NCOR2: variants seen among roughly 807,000 people sequenced by gnomAD.
The protein encoded by NCOR2 is nuclear receptor corepressor 2, also known as CTG repeat protein 26.
Under a neutral mutation model 262.9 loss-of-function variants are expected in NCOR2, and 81 were observed. The ratio of observed to expected loss-of-function variants is 0.31; its 90% CI spans 0.26 to 0.37. NCOR2 has a LOEUF of 0.37. Ranked by LOEUF, NCOR2 falls within the 10% of genes least tolerant of loss-of-function variation. The probability of loss-of-function intolerance (pLI) is 1.00; values close to 1 mark genes in which losing one functional copy is unlikely to be tolerated. For synonymous variants in NCOR2, 1,659 were observed against 1,559.3 expected (o/e 1.06, Z -1.51); for missense variants, 3,385 against 3,621.4 (o/e 0.93, Z 1.68).
chr12:124,325,377 G>GGGGCCCC, exon 47 of NCOR2: 1 of 246,788 alleles, frequency 4.1e-6, no homozygotes, highest in Non-Finnish European at 6.6e-6. Context: ...ACCTGACACC[G>GGGGCCCC]CCCCCCCCCC....
chr12:124,458,242 C>T (rs2045982871), intron 5 of NCOR2, among the ~76,000 whole-genome samples: 1 of 152,232 alleles, frequency 6.6e-6, no homozygotes, highest in Non-Finnish European at 1.5e-5. Context: ...AATGTGGCTG[C>T]CAACAAAAAT....
At position 124,459,420 on chromosome 12, in the gene NCOR2, C is replaced by T. The variant is rs962253271; in HGVS notation, c.706-2258G>A. 9.9e-5 allele frequency among the ~76,000 whole-genome samples: 15 copies of T among 152,264 alleles called. No individual in the cohort carries two copies. In the East Asian group the frequency reaches 2.9e-3, roughly 29 times the overall value. On this transcript the variant is annotated intron_variant, in intron 5 of 46. Coordinates refer to ENST00000405201, the Ensembl canonical transcript of NCOR2. ...GTTGGGTTTGTTCCTGCTCCACGGT[C>T]TTCTCTGGTCCTGCTTGTCAGCCTC...
intron 17 of NCOR2, among the ~76,000 whole-genome samples, chr12:124,382,784 T>C (rs1161466211): frequency 6.6e-6 from 1 of 152,314 alleles, no homozygotes; most frequent in African/African-American, 2.4e-5. Context: ...GTGAGGATAA[T>C]ACTGAATGCT....
chr12:124,347,928 G>T lies in NCOR2; in HGVS notation c.3986-17C>A, dbSNP rs1244065. ...CCATGAGACCTGGGTAGGAGAGGGT[G>T]AGGCCATCATTCCGTGGCTCCCTGA... On this transcript the variant is annotated splice_polypyrimidine_tract_variant and intron_variant, in intron 29 of 46. Transcript: ENST00000405201. 1 of 1,553,754 alleles carries T rather than the reference G, an allele frequency of 6.4e-7. No homozygotes were observed. The highest frequency in any genetic ancestry group is 2.4e-5 in the East Asian group (1 of 41,216).
chr12:124,529,010 T>C (rs1008687364), intron 1 of NCOR2, among the ~76,000 whole-genome samples: 3 of 151,848 alleles, frequency 2.0e-5, no homozygotes, highest in Non-Finnish European at 2.9e-5. Context: ...AGAAACCCCG[T>C]CTCTACTAAA....
intron 28 of NCOR2, among the ~76,000 whole-genome samples, chr12:124,349,541 G>A (rs1338712378): frequency 6.6e-6 from 1 of 152,130 alleles, no homozygotes; most frequent in Non-Finnish European, 1.5e-5. Flanking sequence ...GCAGGGGAGT[G>A]GACGGCGTGA....
At chr12:124,340,467 C>G in intron 35 of NCOR2, 24 bp from the exon 38 acceptor site, 1 of 1,607,704 alleles carries the variant, frequency 6.2e-7, no homozygotes, top group Non-Finnish European at 8.5e-7. Context: ...AGGCCAGAGA[C>G]TCAGCCCCAG....
chr12:124,366,020 T>G (rs922583553), intron 20 of NCOR2, among the ~76,000 whole-genome samples: 7 of 152,272 alleles, frequency 4.6e-5, no homozygotes, highest in Admixed American at 6.5e-5. Context: ...TAAAAGAGAA[T>G]GCTGCAGCCA....
chr12:124,360,203 C>T (rs1330872616), intron 22 of NCOR2, among the ~76,000 whole-genome samples: 1 of 152,322 alleles, frequency 6.6e-6, no homozygotes, highest in East Asian at 1.9e-4. Flanking sequence ...GGCTGGCGCC[C>T]CAAACCTGCA....
At chr12:124,480,116 C>T (rs2047367204) in intron 3 of NCOR2, among the ~76,000 whole-genome samples, 1 of 152,252 alleles carries the variant, frequency 6.6e-6, no homozygotes, top group South Asian at 2.1e-4. Context: ...TCAATCCAAT[C>T]CGGCCGCACT....
intron 16 of NCOR2, among the ~76,000 whole-genome samples, chr12:124,386,178 AG>A (rs1353564987): frequency 6.6e-6 from 1 of 152,100 alleles, no homozygotes; most frequent in African/African-American, 2.4e-5. Context: ...CGACAGGTGA[AG>A]TCCCACCGAG....
At chr12:124,423,458 G>A (rs1258179534) in intron 11 of NCOR2, among the ~76,000 whole-genome samples, 1 of 152,284 alleles carries the variant, frequency 6.6e-6, no homozygotes, top group African/African-American at 2.4e-5. Context: ...CAGGCCCCGC[G>A]CCTGCTTCCC....
chr12:124,442,048 C>T (rs969563420), intron 7 of NCOR2, among the ~76,000 whole-genome samples: 7 of 152,186 alleles, frequency 4.6e-5, no homozygotes, highest in East Asian at 1.9e-4. Flanking sequence ...AGAAAACAGA[C>T]GTTGGCGGAG....
At chr12:124,419,118 C>T (rs904508885) in intron 13 of NCOR2, among the ~76,000 whole-genome samples, 3 of 151,902 alleles carry the variant, frequency 2.0e-5, no homozygotes, top group African/African-American at 7.3e-5. Context: ...TCCCAAACAC[C>T]GAGCGCCCAG....
chr12:124,449,093 T>C (rs535366769), intron 7 of NCOR2, among the ~76,000 whole-genome samples: 83 of 152,290 alleles, frequency 5.5e-4, no homozygotes, highest in African/African-American at 1.9e-3. Flanking sequence ...CAACAGTCTA[T>C]GCTCCCGTTA....
intron 41 of NCOR2, 171 bp downstream of exon 43, chr12:124,334,253 T>A (rs935053113): frequency 1.9e-5 from 10 of 530,466 alleles, no homozygotes; most frequent in Non-Finnish European, 3.3e-5. Context: ...TATTATTCGT[T>A]ATGTATCCGC....
In NCOR2 at chr12:124,526,657, G is replaced by A. The variant is rs141665066; in HGVS notation, c.-118+8908C>T. The stretch of plus-strand genomic sequence containing the variant: ...GGGCAGCTGGTCTCCTCTCCCCCGC[G>A]GACAGACAGGACGCTAACCAATCAG... On this transcript the variant is annotated intron_variant, in intron 1 of 46. Transcript: ENST00000404621. Among the ~76,000 whole-genome samples, 309 of 152,196 alleles carry A rather than the reference G, an allele frequency of 2.0e-3. 1 individual carries two copies. The highest frequency in any genetic ancestry group is 7.1e-3 in the African/African-American group (295 of 41,524).
At chr12:124,430,528 C>T in intron 9 of NCOR2, 87 bp downstream of exon 11, 1 of 1,491,238 alleles carries the variant, frequency 6.7e-7, no homozygotes, top group Non-Finnish European at 9.0e-7. Flanking sequence ...CTGTTCTGTT[C>T]CTTCCTGGCC....
intron 1 of NCOR2, among the ~76,000 whole-genome samples, chr12:124,544,116 G>T (rs2051467833): frequency 6.6e-6 from 1 of 152,176 alleles, no homozygotes; most frequent in Admixed American, 6.5e-5. Flanking sequence ...CCAGCGGGGA[G>T]GGAGATGAAT....
Sources: allele counts gnomAD v4.1 joint callset (sites outside exome capture counted in the v4.1 genomes callset), GRCh38; gene constraint gnomAD v4.1.1; transcripts MANE v1.5; gene names NCBI Gene and HGNC (gene_info 2026-07-23, HGNC 2026-07-21).